RBFOX1: variants seen among roughly 807,000 people sequenced by gnomAD.
RBFOX1 encodes RNA binding protein fox-1 homolog 1.
A neutral mutation model predicts 57.7 loss-of-function variants in RBFOX1; 8 were observed. The observed-to-expected ratio is 0.14, with a 90% CI of 0.08 to 0.25. The LOEUF (loss-of-function observed/expected upper bound fraction) is 0.25. Ranked by LOEUF, RBFOX1 falls within the 10% of genes least tolerant of loss-of-function variation. RBFOX1 has a pLI of 1.00. For synonymous variants in RBFOX1, 326 were observed against 222.4 expected (o/e 1.47, Z -4.15); for missense variants, 611 against 548.5 (o/e 1.11, Z -1.14).
At chr16:6,645,455 G>A (rs1336634511) in intron 2 of RBFOX1, among the ~76,000 whole-genome samples, 1 of 152,182 alleles carries the variant, frequency 6.6e-6, no homozygotes, top group Non-Finnish European at 1.5e-5. Flanking sequence ...AGCTGGGAAT[G>A]CTGCTGGTAA....
chr16:7,705,444 G>T (rs1400956999), intron 14 of RBFOX1, among the ~76,000 whole-genome samples: 1 of 151,716 alleles, frequency 6.6e-6, no homozygotes, highest in African/African-American at 2.4e-5. Flanking sequence ...GACGGAGCTT[G>T]CAGTGAGCCA....
At chr16:6,624,088 C>T (rs915383038) in intron 2 of RBFOX1, among the ~76,000 whole-genome samples, 2 of 152,106 alleles carry the variant, frequency 1.3e-5, no homozygotes, top group African/African-American at 4.8e-5. Flanking sequence ...CATTTCACAA[C>T]TACGTACCAC....
intron 2 of RBFOX1, among the ~76,000 whole-genome samples, chr16:6,414,392 C>T (rs1325029615): frequency 6.6e-6 from 1 of 152,210 alleles, no homozygotes; most frequent in African/African-American, 2.4e-5. Context: ...CGGGCACCTA[C>T]TGTGTTGTCT....
chr16:5,301,345 T>C (rs2063797538), intron 1 of RBFOX1, among the ~76,000 whole-genome samples: 1 of 151,940 alleles, frequency 6.6e-6, no homozygotes, highest in Non-Finnish European at 1.5e-5. Flanking sequence ...TAGGGCTAGG[T>C]GCGGTGGCTC....
At chr16:7,006,449 G>T (rs1324286035) in intron 3 of RBFOX1, among the ~76,000 whole-genome samples, 4 of 152,074 alleles carry the variant, frequency 2.6e-5, no homozygotes, top group Admixed American at 2.6e-4. Context: ...CACTGCGCCC[G>T]GCCAAACAAG....
intron 1 of RBFOX1, among the ~76,000 whole-genome samples, chr16:5,244,832 G>T (rs2062257033): frequency 6.6e-6 from 1 of 152,200 alleles, no homozygotes; most frequent in African/African-American, 2.4e-5. Context: ...TGTTAGCTAT[G>T]ACAGAGAGGG....
intron 1 of RBFOX1, among the ~76,000 whole-genome samples, chr16:6,143,959 C>CTATATATATATATATATA (rs71142686): frequency 5.6e-4 from 79 of 139,930 alleles, no homozygotes; most frequent in African/African-American, 1.6e-3. Context: ...CCATACTCAG[C>CTATATATATATATATATA]TATATATATA....
intron 1 of RBFOX1, among the ~76,000 whole-genome samples, chr16:5,458,380 C>T (rs533404207): frequency 3.9e-5 from 6 of 151,924 alleles, no homozygotes; most frequent in Non-Finnish European, 5.9e-5. Context: ...GTGGTGTAGC[C>T]GGGAGGGCAC....
At chr16:7,135,319 G>T (rs372018895) in intron 4 of RBFOX1, among the ~76,000 whole-genome samples, 1 of 152,162 alleles carries the variant, frequency 6.6e-6, no homozygotes, top group Non-Finnish European at 1.5e-5. Context: ...TTATTTGTTT[G>T]CAAGAGGAAA....
chr16:6,771,795 C>G (rs1454381815), intron 3 of RBFOX1, among the ~76,000 whole-genome samples: 1 of 152,170 alleles, frequency 6.6e-6, no homozygotes, highest in African/African-American at 2.4e-5. Context: ...ATAAGTTACC[C>G]AGCCTAAAGT....
chr16:6,236,496 G>A (rs1457132681), intron 1 of RBFOX1, among the ~76,000 whole-genome samples: 10 of 151,392 alleles, frequency 6.6e-5, no homozygotes, highest in East Asian at 3.9e-4. Context: ...GTGCAGCAGC[G>A]CCATCTCGGC....
intron 1 of RBFOX1, among the ~76,000 whole-genome samples, chr16:5,368,179 C>T (rs569346235): frequency 3.4e-4 from 52 of 152,312 alleles, no homozygotes; most frequent in East Asian, 7.7e-4. Context: ...ATGATGTCAA[C>T]GCATAATATT....
rs564877862 is a variant in RBFOX1, at chr16:7,498,370, C to G, written c.28-19777C>G. ...TGGGTCTCACTCAGCCTCTATGACA[C>G]CTGAACCAATGAGTATAGCTAGCAT... is the stretch of plus-strand genomic sequence containing the variant. On this transcript the variant is annotated intron_variant, in intron 4 of 15. Coordinates refer to ENST00000550418, the MANE Select transcript of RBFOX1 (RefSeq NM_018723.4). Among the ~76,000 whole-genome samples, 57 of 152,150 alleles carry G rather than the reference C, an allele frequency of 3.7e-4. 1 individual carries two copies. Among genetic ancestry groups the G allele is most frequent in the African/African-American group, 1.4e-3 (57 of 41,522 alleles).
intron 1 of RBFOX1, among the ~76,000 whole-genome samples, chr16:6,049,051 A>C (rs1273973833): frequency 1.5e-5 from 2 of 135,426 alleles, no homozygotes; most frequent in Non-Finnish European, 3.1e-5. Context: ...ATCTTCTAAC[A>C]GCTTTTTTTT....
At chr16:5,785,138 C>A (rs904622174) in intron 3 of RBFOX1, among the ~76,000 whole-genome samples, 1 of 152,216 alleles carries the variant, frequency 6.6e-6, no homozygotes, top group Non-Finnish European at 1.5e-5. Context: ...GGGATAAATT[C>A]CCAGGACGGG....
chr16:6,834,411 G>C (rs1001164567), intron 3 of RBFOX1, among the ~76,000 whole-genome samples: 4 of 152,034 alleles, frequency 2.6e-5, no homozygotes, highest in Non-Finnish European at 5.9e-5. Context: ...GATCTCTTGG[G>C]CTATTGGGAG....
rs142919848 is a variant in RBFOX1, at chr16:6,952,788, C to G, written c.-15-99269C>G. ...GTCAGGAGTTTGACACCAGCCTGGC[C>G]AACATGGTGAAACCCCATCTCTACT... On this transcript the variant is annotated intron_variant, in intron 3 of 15. Transcript: ENST00000550418. 3.5e-3 allele frequency among the ~76,000 whole-genome samples: 531 copies of G among 152,192 alleles called. 1 individual carries two copies. The highest frequency in any genetic ancestry group is 0.012 in the African/African-American group (500 of 41,514).
At chr16:6,985,323 A>G (rs976113194) in intron 3 of RBFOX1, among the ~76,000 whole-genome samples, 1 of 152,116 alleles carries the variant, frequency 6.6e-6, no homozygotes, top group South Asian at 2.1e-4. Context: ...TAATTTTATG[A>G]TAGGTTAACT....
chr16:5,463,643 T>C (rs1459257816), intron 1 of RBFOX1, among the ~76,000 whole-genome samples: 1 of 151,512 alleles, frequency 6.6e-6, no homozygotes, highest in African/African-American at 2.4e-5. Context: ...CCACTAAAAA[T>C]ACAAAAATTA....
Sources: allele counts gnomAD v4.1 joint callset (sites outside exome capture counted in the v4.1 genomes callset), GRCh38; gene constraint gnomAD v4.1.1; transcripts MANE v1.5; gene names NCBI Gene and HGNC (gene_info 2026-07-23, HGNC 2026-07-21).